SCML4: variants seen among roughly 807,000 people sequenced by gnomAD.
The protein encoded by SCML4 is Scm polycomb group protein like 4.
SCML4 carries 34 observed loss-of-function variants against 41.1 expected under a neutral mutation model. The observed-to-expected ratio is 0.83, with a 90% CI of 0.63 to 1.10. The LOEUF (loss-of-function observed/expected upper bound fraction) is 1.10. Ranked by LOEUF, SCML4 falls within the 50% of genes least tolerant of loss-of-function variation. The pLI is 0.00. For missense variants in SCML4, 522 were observed against 534.1 expected, an observed-to-expected ratio of 0.98 and a Z score of 0.22; for synonymous variants, 214 against 220.9, an observed-to-expected ratio of 0.97 and a Z score of 0.28.
At chr6:107,839,407 A>AAG in the SCML4 span, among the ~76,000 whole-genome samples, 11 of 146,470 alleles carry the variant, frequency 7.5e-5, no homozygotes, top group African/African-American at 3.0e-4. Context: ...GAAAGAAAGA[A>AAG]AGAGGAAGAA....
At chr6:107,750,337 A>C (rs1005506054) in intron 2 of SCML4, among the ~76,000 whole-genome samples, 2 of 152,192 alleles carry the variant, frequency 1.3e-5, no homozygotes, top group Non-Finnish European at 2.9e-5. Context: ...GCAGATTGAC[A>C]AAACTAGGCT....
chr6:107,717,132 T>C (rs1196228842), intron 6 of SCML4, among the ~76,000 whole-genome samples: 2 of 87,424 alleles, frequency 2.3e-5, no homozygotes, highest in Non-Finnish European at 4.1e-5. Flanking sequence ...ACCCCGTCTC[T>C]ACTAAAAATA....
At chr6:107,824,720 T>TAACATC (rs1416020547), upstream of SCML4, among the ~76,000 whole-genome samples, 1 of 152,180 alleles carries the variant, frequency 6.6e-6, no homozygotes, top group Non-Finnish European at 1.5e-5. Flanking sequence ...AACCAGACTG[T>TAACATC]AACATCGTCT....
chr6:107,842,594 T>C, the SCML4 span, among the ~76,000 whole-genome samples: 1 of 152,218 alleles, frequency 6.6e-6, no homozygotes, highest in Non-Finnish European at 1.5e-5. Context: ...GGTTTTGCCA[T>C]GCTGGCCTAG....
chr6:107,835,483 T>G, the SCML4 span, among the ~76,000 whole-genome samples: 1 of 152,122 alleles, frequency 6.6e-6, no homozygotes, highest in African/African-American at 2.4e-5. Context: ...CTCACGCTTA[T>G]AATCCCAGCA....
At position 107,746,674 on chromosome 6, in the gene SCML4, T is replaced by C. The variant is rs751384036; in HGVS notation, c.487+15A>G. 6.2e-7 allele frequency: 1 copy of C among 1,610,598 alleles called. No homozygotes were observed. The highest frequency in any genetic ancestry group is 8.5e-7 in the Non-Finnish European group (1 of 1,177,550). ...ACATCCATGGCCTCCTCATGCAACC[T>C]GCCCCAGGCCTTACCTGACACCATC... On this transcript the variant is annotated intron_variant, in intron 4 of 7. Transcript: ENST00000369020.
In SCML4 at chr6:107,720,685, A is replaced by T. The variant is rs200093743; in HGVS notation, c.973+18T>A. 3 of 1,517,772 alleles carry T rather than the reference A, an allele frequency of 2.0e-6. No individual in the cohort carries two copies. The highest frequency in any genetic ancestry group is 2.6e-6 in the Non-Finnish European group (3 of 1,132,830). 94.0% of individuals were successfully genotyped at this position (1,517,772 alleles called of 1,614,324 possible). A position where few individuals can be genotyped will look rare whatever the true frequency, so the allele number is the denominator to read the frequency against. ...GGGATGTTAAGTCAGTGGGAAGCTG[A>T]TGCATGCATTACATTACCACATCTG... On this transcript the variant is annotated intron_variant, in intron 6 of 7. Coordinates refer to ENST00000369020, the MANE Select transcript of SCML4 (RefSeq NM_198081.5).
intron 5 of SCML4, among the ~76,000 whole-genome samples, chr6:107,723,020 C>A (rs776091804): frequency 5.3e-5 from 8 of 151,698 alleles, no homozygotes; most frequent in Non-Finnish European, 1.2e-4. Flanking sequence ...AAATTGCAAG[C>A]CTTTAGCTAC....
Position 107,745,152 on chromosome 6 carries a change from C to T in SCML4, c.488-9G>A. On this transcript the variant is annotated splice_polypyrimidine_tract_variant and intron_variant, in intron 4 of 7. Transcript: ENST00000369020. Reference sequence around the variant, plus strand: ...ATCAAAGGAAGCCGAGACTGGAAAACCAGAGAGATGTCAGCTTAGAGCCGG... The same window carrying T: ...ATCAAAGGAAGCCGAGACTGGAAAATCAGAGAGATGTCAGCTTAGAGCCGG... 6.4e-7 allele frequency: 1 copy of T among 1,554,084 alleles called. No homozygotes were observed. The highest frequency in any genetic ancestry group is 8.7e-7 in the Non-Finnish European group (1 of 1,147,150).
chr6:107,747,427 C>A (rs559540643), intron 3 of SCML4, among the ~76,000 whole-genome samples: 2 of 152,186 alleles, frequency 1.3e-5, no homozygotes, highest in East Asian at 3.9e-4. Flanking sequence ...CTTAGGTGAA[C>A]CCAGTCAATG....
At chr6:107,715,626 C>T (rs552246842) in intron 6 of SCML4, among the ~76,000 whole-genome samples, 1 of 152,230 alleles carries the variant, frequency 6.6e-6, no homozygotes, top group Non-Finnish European at 1.5e-5. Flanking sequence ...CAAACTTTCA[C>T]CAGAGCATCA....
intron 4 of SCML4, 67 bp downstream of exon 4, chr6:107,746,622 G>T: frequency 7.0e-7 from 1 of 1,432,546 alleles, no homozygotes; most frequent in Non-Finnish European, 9.8e-7. Context: ...CTCCAGGCCT[G>T]AGTATGGCTG....
chr6:107,837,358 T>C, the SCML4 span, among the ~76,000 whole-genome samples: 2 of 152,208 alleles, frequency 1.3e-5, no homozygotes, highest in Non-Finnish European at 2.9e-5. Flanking sequence ...TTTGGGGGAT[T>C]GGGAAGCCAG....
At chr6:107,824,693 T>C (rs1031322951), upstream of SCML4, among the ~76,000 whole-genome samples, 1 of 152,148 alleles carries the variant, frequency 6.6e-6, no homozygotes, top group Non-Finnish European at 1.5e-5. Flanking sequence ...TCATTACCCC[T>C]CCTCTGTTGC....
chr6:107,761,805 A>C (rs745820618), intron 2 of SCML4, among the ~76,000 whole-genome samples: 19 of 26,958 alleles, frequency 7.0e-4, no homozygotes, highest in Admixed American at 1.5e-3. Flanking sequence ...CAGAAAAAAA[A>C]GTCTTTTTTT....
chr6:107,800,143 C>T (rs957183938), intron 1 of SCML4, among the ~76,000 whole-genome samples: 1 of 152,106 alleles, frequency 6.6e-6, no homozygotes, highest in Non-Finnish European at 1.5e-5. Flanking sequence ...GCACACACCA[C>T]TGCCCTCAGC....
intron 1 of SCML4, among the ~76,000 whole-genome samples, chr6:107,774,965 A>G (rs932991183): frequency 2.0e-5 from 3 of 151,966 alleles, no homozygotes; most frequent in African/African-American, 7.3e-5. Context: ...ACTGCACTCC[A>G]ACCTGGGTGT....
chr6:107,705,402 T>C, intron 7 of SCML4, 77 bp from the exon 8 acceptor site: 2 of 1,397,546 alleles, frequency 1.4e-6, no homozygotes, highest in Non-Finnish European at 2.0e-6. Context: ...GGTTAAGGTG[T>C]GGTCAAGGGG....
chr6:107,729,597 T>C (rs1776335038), intron 5 of SCML4, among the ~76,000 whole-genome samples: 1 of 152,338 alleles, frequency 6.6e-6, no homozygotes, highest in Non-Finnish European at 1.5e-5. Flanking sequence ...TTTATTGTCA[T>C]GTATTTCAAT....
Sources: allele counts gnomAD v4.1 joint callset (sites outside exome capture counted in the v4.1 genomes callset), GRCh38; gene constraint gnomAD v4.1.1; transcripts MANE v1.5; gene names NCBI Gene and HGNC (gene_info 2026-07-23, HGNC 2026-07-21).